Variants in DNAAF4 observed in about 807,000 individuals in gnomAD.
DNAAF4 encodes dynein axonemal assembly factor 4.
A neutral mutation model predicts 51.8 loss-of-function variants in DNAAF4; 43 were observed. The ratio of observed to expected loss-of-function variants is 0.83; its 90% CI spans 0.65 to 1.07. The LOEUF (loss-of-function observed/expected upper bound fraction) is 1.07. Among genes scored for constraint, DNAAF4 ranks in the 50% least tolerant of loss-of-function variants. The pLI is 0.00. For synonymous variants in DNAAF4, 194 were observed against 165.6 expected, an observed-to-expected ratio of 1.17 and a Z score of -1.32; for missense variants, 581 against 493.0, an observed-to-expected ratio of 1.18 and a Z score of -1.69.
At chr15:55,446,464 G>A (rs1708985955) in intron 6 of DNAAF4, among the ~76,000 whole-genome samples, 1 of 145,618 alleles carries the variant, frequency 6.9e-6, no homozygotes, top group Non-Finnish European at 1.5e-5. Flanking sequence ...TGGGGTGGCG[G>A]TCGGGCAGAG....
intron 4 of DNAAF4, among the ~76,000 whole-genome samples, chr15:55,474,175 A>G (rs1315869598): frequency 6.6e-6 from 1 of 152,198 alleles, no homozygotes; most frequent in African/African-American, 2.4e-5. Flanking sequence ...AAATAATAGT[A>G]CACTACTTAA....
chr15:55,428,480 TTTTC>T (rs1378672620), downstream of DNAAF4, among the ~76,000 whole-genome samples: 15 of 137,934 alleles, frequency 1.1e-4, no homozygotes, highest in Non-Finnish European at 1.8e-4. Flanking sequence ...ACTGTCTTTT[TTTTC>T]TTTTTTTTTT....
At chr15:55,503,737 A>G (rs1289931245) in intron 1 of DNAAF4, among the ~76,000 whole-genome samples, 1 of 152,224 alleles carries the variant, frequency 6.6e-6, no homozygotes, top group African/African-American at 2.4e-5. Flanking sequence ...TTTCATGCTA[A>G]AAACTCTCAA....
At chr15:55,504,108 A>T (rs867631122) in intron 1 of DNAAF4, among the ~76,000 whole-genome samples, 24 of 152,222 alleles carry the variant, frequency 1.6e-4, no homozygotes, top group African/African-American at 4.8e-4. Context: ...TGCAAAAATC[A>T]CAAGCGTTCC....
Position 55,498,498 on chromosome 15 carries a change from TC to T in DNAAF4, c.-170del. The T allele has an allele frequency of 2.3e-6, 2 of 865,792 alleles. No homozygotes were observed. Among genetic ancestry groups the T allele is most frequent in the Non-Finnish European group, 3.3e-6 (2 of 609,544 alleles). The allele number at this position is 865,792 out of a possible 1,614,324, so 53.6% of individuals were successfully genotyped here. ...ACCTCGCGGACTCCATGCGTGACTATCCAGGCGCCCAGACCAGAGAGTGATG... is the reference window on the plus strand; with the variant it reads ...ACCTCGCGGACTCCATGCGTGACTATCAGGCGCCCAGACCAGAGAGTGATG... On this transcript the variant is annotated 5_prime_UTR_variant, in exon 2 of 10. Transcript: ENST00000321149.
intron 6 of DNAAF4, chr15:55,442,819 T>C (rs757831084): frequency 2.5e-5 from 41 of 1,612,834 alleles, no homozygotes; most frequent in African/African-American, 5.3e-5. Flanking sequence ...GATGTTGAGA[T>C]TGGCAGTCAT....
At chr15:55,490,025 C>T (rs973217757) in intron 4 of DNAAF4, among the ~76,000 whole-genome samples, 41 of 151,924 alleles carry the variant, frequency 2.7e-4, no homozygotes, top group Non-Finnish European at 4.3e-4. Flanking sequence ...AGGTGCCCAC[C>T]ACCACGCGCG....
At chr15:55,481,751 AG>A (rs1595940753) in intron 4 of DNAAF4, among the ~76,000 whole-genome samples, 1 of 152,228 alleles carries the variant, frequency 6.6e-6, no homozygotes, top group African/African-American at 2.4e-5. Flanking sequence ...GGTCTGGAAC[AG>A]GGAGCCTGAG....
intron 3 of DNAAF4, among the ~76,000 whole-genome samples, chr15:55,493,969 G>A (rs2058606463): frequency 6.6e-6 from 1 of 150,812 alleles, no homozygotes; most frequent in African/African-American, 2.4e-5. Context: ...CTCCTAAAGT[G>A]CTGAGATTAC....
chr15:55,421,864 G>C (rs548984279), intron 7 of DNAAF4, among the ~76,000 whole-genome samples: 1 of 149,954 alleles, frequency 6.7e-6, no homozygotes, highest in Non-Finnish European at 1.5e-5. Flanking sequence ...ACTCCAGCCT[G>C]GGCAACAAGA....
chr15:55,481,670 C>T (rs920880311), intron 4 of DNAAF4, among the ~76,000 whole-genome samples: 1 of 152,104 alleles, frequency 6.6e-6, no homozygotes, highest in East Asian at 1.9e-4. Flanking sequence ...AGAAGACAGA[C>T]CATCAGTTCC....
intron 5 of DNAAF4, among the ~76,000 whole-genome samples, chr15:55,460,369 G>A (rs991348147): frequency 7.3e-5 from 11 of 150,840 alleles, no homozygotes; most frequent in South Asian, 4.2e-4. Flanking sequence ...TAGTAGAGAC[G>A]GGGTTTCACC....
chr15:55,432,301 C>A (rs1481050450), intron 9 of DNAAF4, among the ~76,000 whole-genome samples, 196 bp downstream of exon 9: 2 of 152,096 alleles, frequency 1.3e-5, no homozygotes. Context: ...TATTTTAATT[C>A]TCTTCTACAA....
intron 6 of DNAAF4, among the ~76,000 whole-genome samples, chr15:55,447,608 T>C (rs2057854358): frequency 6.7e-6 from 1 of 149,624 alleles, no homozygotes; most frequent in African/African-American, 2.5e-5. Flanking sequence ...CAAAACCCCA[T>C]CTCCACCAAA....
intron 4 of DNAAF4, among the ~76,000 whole-genome samples, chr15:55,475,218 A>G (rs1293774902): frequency 6.6e-6 from 1 of 152,214 alleles, no homozygotes; most frequent in Non-Finnish European, 1.5e-5. Context: ...ATTCATCTGC[A>G]AAGACAACAT....
chr15:55,486,280 G>A (rs947549311), intron 4 of DNAAF4, among the ~76,000 whole-genome samples: 8 of 149,950 alleles, frequency 5.3e-5, no homozygotes, highest in Admixed American at 1.3e-4. Flanking sequence ...TGCAACCTCC[G>A]CTTCCTGGGT....
At chr15:55,490,123 C>T (rs1388542587) in intron 4 of DNAAF4, among the ~76,000 whole-genome samples, 1 of 151,972 alleles carries the variant, frequency 6.6e-6, no homozygotes, top group Non-Finnish European at 1.5e-5. Flanking sequence ...CCGCCCGCCT[C>T]GGCCTCCCAA....
chr15:55,461,610 G>A (rs1034374752), intron 5 of DNAAF4, among the ~76,000 whole-genome samples: 6 of 152,080 alleles, frequency 3.9e-5, no homozygotes, highest in African/African-American at 1.4e-4. Flanking sequence ...GACACAACCA[G>A]TCAAAACCTC....
chr15:55,486,018 GGCAGTA>G (rs142487940), intron 4 of DNAAF4, among the ~76,000 whole-genome samples: 5,616 of 146,504 alleles, frequency 0.038, 372 homozygotes, highest in African/African-American at 0.13. Context: ...AAAAAAAGGA[GGCAGTA>G]GCAGCCAAGA....
Sources: gnomAD v4.1 joint callset for allele counts (sites outside exome capture counted in the v4.1 genomes callset) on GRCh38, gnomAD v4.1.1 for gene constraint, MANE v1.5 for transcripts, NCBI Gene and HGNC (gene_info 2026-07-23, HGNC 2026-07-21) for gene names.